DGKD: variants seen among roughly 807,000 people sequenced by gnomAD.
The protein encoded by DGKD is DAG kinase delta.
Under a neutral mutation model 154.4 loss-of-function variants are expected in DGKD, and 68 were observed. That is an observed-to-expected ratio of 0.44 (90% CI 0.36 to 0.54). The LOEUF (loss-of-function observed/expected upper bound fraction) is 0.54. DGKD is among the 20% of genes least tolerant of loss of function. The pLI is 0.00. For synonymous variants in DGKD, 693 were observed against 638.0 expected (o/e 1.09, Z -1.30); for missense variants, 1,343 against 1,593.6 (o/e 0.84, Z 2.68).
intron 27 of DGKD, among the ~76,000 whole-genome samples, chr2:233,465,796 T>C (rs1419419334): frequency 2.6e-5 from 4 of 152,164 alleles, no homozygotes; most frequent in Non-Finnish European, 5.9e-5. Context: ...TCTTAGGTTG[T>C]GTTTTAAAAG....
chr2:233,388,247 G>A lies in DGKD; in HGVS notation c.157-10G>A, dbSNP rs745726016. On this transcript the variant is annotated splice_polypyrimidine_tract_variant and intron_variant, in intron 1 of 29. Transcript: ENST00000264057. ...AACGCAAGTTTATGAATATGTTTCT[G>A]TACTTTCAGACCATCATCAAAGAGG... The A allele has an allele frequency of 6.2e-7, 1 of 1,609,188 alleles. No homozygotes were observed. The highest frequency in any genetic ancestry group is 8.5e-7 in the Non-Finnish European group (1 of 1,178,794).
At chr2:233,409,816 T>A (rs866309122) in intron 3 of DGKD, among the ~76,000 whole-genome samples, 1,086 of 76,968 alleles carry the variant, frequency 0.014, 17 homozygotes, top group African/African-American at 0.058. Flanking sequence ...TTTTTTTTTT[T>A]AAGACAGGAG....
chr2:233,437,397 A>G lies in DGKD; in HGVS notation c.840A>G (p.Glu280=), dbSNP rs1248378560. The change falls in exon 8 of 30, where the codon GAA becomes GAG. Residue 280 remains glutamate (E), a synonymous_variant. Transcript: ENST00000264057. ...CKAMVHTSCK[E]SLLTKCPLGL... ...TTCAGGTTCACACATCGTGTAAAGA[A>G]TCCTTGCTGACCAAGTGCCCACTTG... 1 of 1,614,054 alleles carries G rather than the reference A, an allele frequency of 6.2e-7. No individual in the cohort carries two copies. Among genetic ancestry groups the G allele is most frequent in the African/African-American group, 1.3e-5 (1 of 74,928 alleles).
chr2:233,444,063 T>G (rs1483123550), intron 10 of DGKD, among the ~76,000 whole-genome samples: 1 of 152,154 alleles, frequency 6.6e-6, no homozygotes, highest in African/African-American at 2.4e-5. Flanking sequence ...TTGCAGGGCT[T>G]CTGCTGTCGT....
chr2:233,419,379 AC>A, intron 3 of DGKD: 1 of 985,416 alleles, frequency 1.0e-6, no homozygotes, highest in Non-Finnish European at 1.2e-6. Flanking sequence ...ATTTTGATAC[AC>A]GTGGAGCAGC....
At position 233,459,908 on chromosome 2, in the gene DGKD, G is replaced by A. The variant is rs1179116658; in HGVS notation, c.2829+17G>A. 1.2e-5 allele frequency: 19 copies of A among 1,611,198 alleles called. No individual in the cohort carries two copies. Among genetic ancestry groups the A allele is most frequent in the African/African-American group, 4.0e-5 (3 of 74,832 alleles). On this transcript the variant is annotated intron_variant, in intron 23 of 29. Transcript: ENST00000264057. This position sits in a 1 kb window ranked among gnomAD's most constrained non-coding sequence, Gnocchi z 5.7. ...AGAGACAGGGTAAGAGCGGCTGCCC[G>A]CGGTACCTGGGTGGGGTACAGGGCT...
intron 3 of DGKD, 103 bp from the exon 4 acceptor site, chr2:233,434,277 T>C: frequency 2.4e-6 from 2 of 822,596 alleles, no homozygotes; most frequent in Middle Eastern, 2.3e-4. Context: ...CTGAATGAAA[T>C]AGTAATTTTT....
At chr2:233,425,557 T>G (rs1380441839) in intron 3 of DGKD, among the ~76,000 whole-genome samples, 1 of 152,208 alleles carries the variant, frequency 6.6e-6, no homozygotes, top group East Asian at 1.9e-4. Context: ...ATCTTAAGGC[T>G]AAAAAGATAT....
Position 233,457,306 on chromosome 2 carries a change from G to A in DGKD, c.2558G>A (p.Trp853Ter). 2.6e-6 allele frequency: 4 copies of A among 1,534,096 alleles called. No individual in the cohort carries two copies. Among genetic ancestry groups the A allele is most frequent in the Non-Finnish European group, 2.6e-6 (3 of 1,139,052 alleles). Residue 853 changes from tryptophan (W) to a stop codon, truncating the protein, a stop_gained, in exon 21 of 30, where the codon TGG becomes TAG. Coordinates refer to ENST00000264057, the MANE Select transcript of DGKD (RefSeq NM_152879.3). LOFTEE classifies it high-confidence loss of function. The surrounding 1 kb of genome is among the most constrained non-coding windows in gnomAD (Gnocchi z 5.5). Reference sequence around the variant, plus strand: ...AGCTATGCCGGAGGAACCAACTTCTGGGGGGGTACCAAGGAAGATGATGTA... The same window carrying A: ...AGCTATGCCGGAGGAACCAACTTCTAGGGGGGTACCAAGGAAGATGATGTA... ...IPSYAGGTNFWGGTKEDDTFA... is the reference protein window; with the variant it reads ...IPSYAGGTNF
In DGKD at chr2:233,458,728, C is replaced by T. The variant is rs530062277; in HGVS notation, c.2694+331C>T. On this transcript the variant is annotated intron_variant, in intron 22 of 29. Transcript: ENST00000264057. This position sits in a 1 kb window ranked among gnomAD's most constrained non-coding sequence, Gnocchi z 6.6. The stretch of plus-strand genomic sequence containing the variant: ...CCTGGTTCAAGTGATTCTCCCGCCT[C>T]AGCCTTCCGAGTAGCTGGGACTACA... 5.3e-5 allele frequency among the ~76,000 whole-genome samples: 8 copies of T among 151,968 alleles called. No individual in the cohort carries two copies. Among genetic ancestry groups the T allele is most frequent in the Admixed American group, 1.3e-4 (2 of 15,268 alleles).
intron 9 of DGKD, among the ~76,000 whole-genome samples, chr2:233,439,102 T>G (rs1242635380): frequency 6.6e-6 from 1 of 152,268 alleles, no homozygotes; most frequent in African/African-American, 2.4e-5. Flanking sequence ...CATTTGCCTT[T>G]GTGAATTTTG....
rs1225080562 is a variant in DGKD at position 233,458,381 on chromosome 2, A to G, written c.2678A>G (p.His893Arg). ...GTCTCTCGAGTCATCAGGCTACAGC[A>G]TCATCGGATCGCCCAGGTAGTGGCC... ...MAVSRVIRLQ[H>R]HRIAQCRTVK... is the part of the protein sequence containing the mutation. Residue 893 changes from histidine (H) to arginine (R), a missense_variant, in exon 22 of 30, where the codon CAT becomes CGT. His to Arg is a conservative substitution (Grantham distance 29). This residue lies in a region of DGKD where 429 missense variants were observed against 496.3 expected (regional missense o/e 0.86). Coordinates refer to ENST00000264057, the MANE Select transcript of DGKD (RefSeq NM_152879.3). This position sits in a 1 kb window ranked among gnomAD's most constrained non-coding sequence, Gnocchi z 6.6. 1 of 1,609,338 alleles carries G rather than the reference A, an allele frequency of 6.2e-7. No homozygotes were observed. Among genetic ancestry groups the G allele is most frequent in the Non-Finnish European group, 8.5e-7 (1 of 1,179,334 alleles).
intron 19 of DGKD, among the ~76,000 whole-genome samples, chr2:233,456,067 G>A (rs969619803): frequency 3.3e-5 from 5 of 152,196 alleles, no homozygotes; most frequent in Non-Finnish European, 7.3e-5. Flanking sequence ...TAGAGCTTTG[G>A]AACCCTGGTC....
intron 1 of DGKD, among the ~76,000 whole-genome samples, chr2:233,375,393 T>A (rs1702523718): frequency 6.6e-6 from 1 of 151,996 alleles, no homozygotes; most frequent in Non-Finnish European, 1.5e-5. Flanking sequence ...TTGGTGGTCT[T>A]AAGTAAATAA....
chr2:233,446,523 C>T (rs571091891), intron 11 of DGKD, among the ~76,000 whole-genome samples, 189 bp from the exon 12 acceptor site: 38 of 152,232 alleles, frequency 2.5e-4, no homozygotes, highest in Admixed American at 1.4e-3. Context: ...AGCTGTACTG[C>T]CGTTAGTTGT....
chr2:233,379,225 C>T (rs772116094), intron 1 of DGKD, among the ~76,000 whole-genome samples: 41 of 151,906 alleles, frequency 2.7e-4, no homozygotes, highest in African/African-American at 9.0e-4. Flanking sequence ...GAAGACTTCC[C>T]GAAGGTGGTG....
intron 3 of DGKD, among the ~76,000 whole-genome samples, chr2:233,395,851 TA>T (rs1703988871): frequency 1.3e-5 from 2 of 152,064 alleles, no homozygotes; most frequent in South Asian, 4.2e-4. Flanking sequence ...CAAATTTTAT[TA>T]TGCTAGACCT....
chr2:233,359,569 C>T (rs1026513233), intron 1 of DGKD, among the ~76,000 whole-genome samples: 1 of 150,578 alleles, frequency 6.6e-6, no homozygotes, highest in African/African-American at 2.4e-5. Flanking sequence ...TGGTCTGAGT[C>T]TCCATCTCTC....
At chr2:233,387,679 G>A (rs1243033288) in intron 1 of DGKD, among the ~76,000 whole-genome samples, 1 of 152,150 alleles carries the variant, frequency 6.6e-6, no homozygotes, top group African/African-American at 2.4e-5. Context: ...GTTGAGAGGA[G>A]TTTTAGTGTC....
Sources: gnomAD v4.1 joint callset for allele counts (sites outside exome capture counted in the v4.1 genomes callset) on GRCh38, gnomAD v4.1.1 for gene constraint, gnomAD v4.1.1 regional missense constraint, Gnocchi (gnomAD v3.1) non-coding constraint, MANE v1.5 for transcripts, NCBI Gene and HGNC (gene_info 2026-07-23, HGNC 2026-07-21) for gene names.